PLXNA2: variants seen among roughly 807,000 people sequenced by gnomAD.
PLXNA2 encodes plexin-A2.
A neutral mutation model predicts 193.5 loss-of-function variants in PLXNA2; 91 were observed. The ratio of observed to expected loss-of-function variants is 0.47; its 90% confidence interval spans 0.40 to 0.56. The LOEUF is 0.56. PLXNA2 is among the 20% of genes least tolerant of loss of function. The pLI is 0.00. For synonymous variants in PLXNA2, 997 were observed against 1,027.3 expected (o/e 0.97, Z 0.56); for missense variants, 1,995 against 2,503.2 (o/e 0.80, Z 4.33).
At chr1:208,030,792 C>T in intron 29 of PLXNA2, 1 of 985,452 alleles carries the variant, frequency 1.0e-6, no homozygotes, top group Non-Finnish European at 1.2e-6. Flanking sequence ...TCTCTGTGCT[C>T]TTTCCCAAAG....
Position 208,217,361 on chromosome 1 carries a change from C to T in PLXNA2, c.562G>A (p.Val188Met). 2 of 1,614,206 alleles carry T rather than the reference C, an allele frequency of 1.2e-6. No individual in the cohort carries two copies. Among genetic ancestry groups the T allele is most frequent in the South Asian group, 1.1e-5 (1 of 91,090 alleles). ...EDGKLFIGTA[V>M]DGKQDYFPTL... ...GGGAAGTAATCCTGCTTCCCATCCA[C>T]AGCCGTGCCGATGAAGAGCTTGCCA... Residue 188 changes from valine to methionine, a missense_variant, in exon 2 of 32, where the codon GTG becomes ATG. Val to Met is a conservative substitution (Grantham distance 21). Coordinates refer to ENST00000367033, the MANE Select transcript of PLXNA2 (RefSeq NM_025179.4). The surrounding 1 kb of genome is among the most constrained non-coding windows in gnomAD (Gnocchi z 4.7).
At chr1:208,060,297 CT>C (rs1008591772) in intron 13 of PLXNA2, among the ~76,000 whole-genome samples, 1 of 152,360 alleles carries the variant, frequency 6.6e-6, no homozygotes, top group African/African-American at 2.4e-5. Context: ...GATTAAGCTG[CT>C]GTCAGAGCCC....
rs1023023400 is a variant in PLXNA2, at chr1:208,038,086, G to GT, written c.4764+284dup. ...TTTGTTGTTGTTGTTGTTTTGTTTT[G>GT]TTTTTTTGCAAATGTAGAGGTACAC... On this transcript the variant is annotated intron_variant, in intron 26 of 31. Coordinates refer to ENST00000367033, the MANE Select transcript of PLXNA2 (RefSeq NM_025179.4). This position sits in a 1 kb window ranked among gnomAD's most constrained non-coding sequence, Gnocchi z 4.1. 7.9e-5 allele frequency among the ~76,000 whole-genome samples: 12 copies of GT among 152,098 alleles called. No homozygotes were observed. Among genetic ancestry groups the GT allele is most frequent in the South Asian group, 2.1e-4 (1 of 4,832 alleles).
chr1:208,045,357 T>G (rs1184840393), intron 18 of PLXNA2, 147 bp from the exon 19 acceptor site: 4 of 681,762 alleles, frequency 5.9e-6, no homozygotes, highest in Non-Finnish European at 1.0e-5. Context: ...TGGAGGGGAC[T>G]TCTAACAGCC....
intron 3 of PLXNA2, among the ~76,000 whole-genome samples, chr1:208,148,437 T>C (rs536026373): frequency 6.6e-6 from 1 of 152,336 alleles, no homozygotes; most frequent in South Asian, 2.1e-4. Context: ...TTTTCTTTCA[T>C]TGGCTGTGTG....
At chr1:208,080,527 T>C (rs1368563217) in intron 11 of PLXNA2, among the ~76,000 whole-genome samples, 10 of 152,312 alleles carry the variant, frequency 6.6e-5, no homozygotes, top group African/African-American at 2.2e-4. Context: ...CCAGGTGGTA[T>C]GCCGTTGCTG....
rs1474460095 is a variant in PLXNA2, at chr1:208,098,826, C to T, written c.1731+20G>A. The T allele has an allele frequency of 1.4e-5, 23 of 1,612,142 alleles. 1 individual carries two copies. The highest frequency in any genetic ancestry group is 2.0e-5 in the Non-Finnish European group (23 of 1,179,254). ...ATGCACTGTATTCCCTCTCCCCATG[C>T]CCCTGGATGAGTTACTTACCAACCG... On this transcript the variant is annotated intron_variant, in intron 6 of 31. Coordinates refer to ENST00000367033, the MANE Select transcript of PLXNA2 (RefSeq NM_025179.4).
At chr1:208,039,536 C>T in intron 24 of PLXNA2, 85 bp downstream of exon 24, 2 of 1,570,968 alleles carry the variant, frequency 1.3e-6, no homozygotes, top group Non-Finnish European at 1.7e-6. Context: ...TATTGACCCC[C>T]TAGACTGCTT....
intron 2 of PLXNA2, among the ~76,000 whole-genome samples, chr1:208,216,028 C>T (rs894974253): frequency 2.0e-5 from 3 of 152,168 alleles, no homozygotes; most frequent in Non-Finnish European, 2.9e-5. Flanking sequence ...CACTTGACCC[C>T]CTCACTGGGA....
rs1048554386 is a variant in PLXNA2, at chr1:208,199,510, T to G, written c.1371+10770A>C. Reference sequence around the variant, plus strand: ...GATCGAGACCATCCTGGCCAACATGTTGAAACCCCGTCTCTACTAAAAATA... The same window carrying G: ...GATCGAGACCATCCTGGCCAACATGGTGAAACCCCGTCTCTACTAAAAATA... On this transcript the variant is annotated intron_variant, in intron 3 of 31. Transcript: ENST00000367033. Among the ~76,000 whole-genome samples the G allele has an allele frequency of 4.6e-5, 7 of 151,898 alleles. No homozygotes were observed. The East Asian group carries it at 5.8e-4, about 13-fold the overall frequency.
chr1:208,134,384 G>T (rs1276531287), intron 4 of PLXNA2, among the ~76,000 whole-genome samples: 1 of 152,120 alleles, frequency 6.6e-6, no homozygotes, highest in Non-Finnish European at 1.5e-5. Flanking sequence ...CCACAGCCCC[G>T]GGAGGTGGGA....
chr1:208,215,517 G>A (rs1430799405), intron 2 of PLXNA2, among the ~76,000 whole-genome samples: 5 of 152,076 alleles, frequency 3.3e-5, no homozygotes, highest in African/African-American at 4.8e-5. Context: ...AGAGGGATGA[G>A]TGGATAAAGA....
chr1:208,057,749 C>T (rs1442448044), intron 13 of PLXNA2, among the ~76,000 whole-genome samples: 1 of 152,176 alleles, frequency 6.6e-6, no homozygotes, highest in Admixed American at 6.5e-5. Context: ...TTGGACCAAA[C>T]AGCCATCCAG....
intron 12 of PLXNA2, among the ~76,000 whole-genome samples, chr1:208,071,034 G>T (rs1031211298): frequency 6.6e-6 from 1 of 152,206 alleles, no homozygotes. Flanking sequence ...GAGGTGGTTG[G>T]TGGGGACATT....
chr1:208,074,632 C>G (rs998368941), intron 12 of PLXNA2, among the ~76,000 whole-genome samples: 4 of 152,196 alleles, frequency 2.6e-5, no homozygotes, highest in African/African-American at 7.2e-5. Context: ...AGCTGTTTAT[C>G]TAACTATGCG....
intron 4 of PLXNA2, among the ~76,000 whole-genome samples, chr1:208,134,705 T>G (rs1668252631): frequency 6.6e-6 from 1 of 152,092 alleles, no homozygotes; most frequent in Admixed American, 6.6e-5. Context: ...TACTGAGTCC[T>G]TGCCCGCCTT....
At chr1:208,154,366 C>T (rs1050563096) in intron 3 of PLXNA2, among the ~76,000 whole-genome samples, 7 of 152,306 alleles carry the variant, frequency 4.6e-5, no homozygotes, top group East Asian at 1.9e-4. Context: ...GTGGGCTCAA[C>T]GGTAGGCAAA....
At position 208,221,227 on chromosome 1, in the gene PLXNA2, G is replaced by T. The variant is rs371443927; in HGVS notation, c.-80-3225C>A. ...CTTGATCTTAAAACAAAAGGTATTT[G>T]AATTAGTCAACCTATAAGATTTCCT... On this transcript the variant is annotated intron_variant, in intron 1 of 31. Transcript: ENST00000367033. 4.6e-5 allele frequency among the ~76,000 whole-genome samples: 7 copies of T among 152,202 alleles called. No homozygotes were observed. The South Asian group carries it at 1.0e-3, about 23-fold the overall frequency.
intron 13 of PLXNA2, among the ~76,000 whole-genome samples, chr1:208,055,582 C>A (rs1388084434): frequency 6.6e-6 from 1 of 152,142 alleles, no homozygotes; most frequent in South Asian, 2.1e-4. Context: ...CAGTCTGGTG[C>A]TCCTGGTAGG....
Sources: allele counts gnomAD v4.1 joint callset (sites outside exome capture counted in the v4.1 genomes callset), GRCh38; gene constraint gnomAD v4.1.1; non-coding constraint Gnocchi (gnomAD v3.1); transcripts MANE v1.5; gene names NCBI Gene and HGNC (gene_info 2026-07-23, HGNC 2026-07-21).